Variants in ANKHD1 observed in about 807,000 individuals in gnomAD.
The protein encoded by ANKHD1 is ankyrin repeat and KH domain containing 1, also known as ankyrin repeat and KH domain-containing protein 1.
In ANKHD1, 31 loss-of-function variants were observed where a neutral mutation model predicts 230.5. That is an observed-to-expected ratio of 0.13 (90% CI 0.10 to 0.18). The LOEUF (loss-of-function observed/expected upper bound fraction) is 0.18, where lower values mean the gene tolerates loss of function less well. Among genes scored for constraint, ANKHD1 ranks in the 10% least tolerant of loss-of-function variants. The pLI is 1.00. For synonymous variants in ANKHD1, 1,074 were observed against 1,117.6 expected, an observed-to-expected ratio of 0.96 and a Z score of 0.78; for missense variants, 2,256 against 3,071.3, an observed-to-expected ratio of 0.73 and a Z score of 6.27.
At chr5:140,482,916 A>G (rs1419159570) in intron 11 of ANKHD1, among the ~76,000 whole-genome samples, 1 of 152,248 alleles carries the variant, frequency 6.6e-6, no homozygotes, top group Non-Finnish European at 1.5e-5. Context: ...TAGAAAAGCC[A>G]AATGTAAAAT....
intron 7 of ANKHD1, among the ~76,000 whole-genome samples, chr5:140,455,228 T>G (rs1775078426): frequency 6.6e-6 from 1 of 152,104 alleles, no homozygotes; most frequent in South Asian, 2.1e-4. Flanking sequence ...ATTAATAGCC[T>G]ACCAACCAAA....
chr5:140,522,181 A>G (rs1328730535), intron 24 of ANKHD1, among the ~76,000 whole-genome samples: 3 of 152,210 alleles, frequency 2.0e-5, no homozygotes, highest in East Asian at 1.9e-4. Context: ...AGATTTGTCA[A>G]TTATGGACTT....
chr5:140,496,891 TG>T lies in ANKHD1; in HGVS notation c.2618del (p.Cys873SerfsTer69), dbSNP rs1224220905. 1 of 1,614,146 alleles carries T rather than the reference TG, an allele frequency of 6.2e-7. No individual in the cohort carries two copies. Among genetic ancestry groups the T allele is most frequent in the East Asian group, 2.2e-5 (1 of 44,878 alleles). The part of the protein sequence containing the change: ...QKDTVSLHQQ[C>X]SHRGVFPEGE... ...AGACACAGTGTCTCTACACCAACAG[TG>T]CTCTCATAGAGGAGTCTTCCCAGAA... On this transcript the variant is annotated frameshift_variant, in exon 15 of 34. Transcript: ENST00000360839. LOFTEE classifies it high-confidence loss of function.
intron 10 of ANKHD1, among the ~76,000 whole-genome samples, chr5:140,478,577 T>C (rs1052139908): frequency 1.3e-5 from 2 of 152,168 alleles, no homozygotes; most frequent in African/African-American, 4.8e-5. Flanking sequence ...TTTACCCATA[T>C]ATAGAAGGTA....
At chr5:140,472,700 TACTC>T (rs143695197) in intron 10 of ANKHD1, among the ~76,000 whole-genome samples, 3,060 of 152,232 alleles carry the variant, frequency 0.02, 101 homozygotes, top group African/African-American at 0.069. Flanking sequence ...TTAAAAATAA[TACTC>T]AAATAAACAA....
intron 14 of ANKHD1, among the ~76,000 whole-genome samples, chr5:140,495,171 T>C (rs756403893): frequency 1.1e-4 from 17 of 152,162 alleles, no homozygotes; most frequent in Non-Finnish European, 2.4e-4. Context: ...TTCTTTCACT[T>C]AGTATAATGT....
At chr5:140,488,220 T>TGG (rs906166551) in intron 14 of ANKHD1, among the ~76,000 whole-genome samples, 4 of 152,190 alleles carry the variant, frequency 2.6e-5, no homozygotes, top group African/African-American at 9.6e-5. Context: ...TTGTTTTCTT[T>TGG]GGGGGGGAGT....
chr5:140,427,157 C>T (rs528737947), intron 1 of ANKHD1, among the ~76,000 whole-genome samples: 1 of 147,656 alleles, frequency 6.8e-6, no homozygotes, highest in Admixed American at 6.7e-5. Flanking sequence ...TGACCCCCCC[C>T]ACCTCCCTCC....
chr5:140,479,953 C>G (rs1751194991), intron 10 of ANKHD1, among the ~76,000 whole-genome samples: 1 of 150,132 alleles, frequency 6.7e-6, no homozygotes, highest in South Asian at 2.1e-4. Flanking sequence ...GGGGATTTTC[C>G]ATATATACAT....
rs370154374 is a variant in ANKHD1, at chr5:140,411,375, C to T, written c.306+9102C>T. ...CCATCTGATTCCCATTCTAGTTATC[C>T]TACCTTCCAGATTCTCCTAACTTTC... is the stretch of plus-strand genomic sequence containing the variant. On this transcript the variant is annotated intron_variant, in intron 1 of 33. Transcript: ENST00000360839. Among the ~76,000 whole-genome samples the T allele has an allele frequency of 4.3e-4, 65 of 152,220 alleles. 1 individual carries two copies. Among genetic ancestry groups the T allele is most frequent in the African/African-American group, 1.5e-3 (63 of 41,552 alleles).
At chr5:140,530,485 G>T (rs917452439) in intron 29 of ANKHD1, among the ~76,000 whole-genome samples, 1 of 152,182 alleles carries the variant, frequency 6.6e-6, no homozygotes, top group Non-Finnish European at 1.5e-5. Flanking sequence ...AAAATGCCAG[G>T]ATTACAGGTG....
At chr5:140,440,328 T>C in intron 4 of ANKHD1, 62 bp downstream of exon 4, 3 of 1,554,472 alleles carry the variant, frequency 1.9e-6, no homozygotes, top group Non-Finnish European at 2.6e-6. Flanking sequence ...TTATTTATTT[T>C]TGTCACTTAT....
At chr5:140,501,820 A>T (rs1752318726) in intron 15 of ANKHD1, among the ~76,000 whole-genome samples, 1 of 152,090 alleles carries the variant, frequency 6.6e-6, no homozygotes. Context: ...TAGATTTATT[A>T]TCTTCCATAT....
chr5:140,417,284 G>T (rs1771469055), intron 1 of ANKHD1, among the ~76,000 whole-genome samples: 1 of 151,698 alleles, frequency 6.6e-6, no homozygotes, highest in Non-Finnish European at 1.5e-5. Flanking sequence ...TCTCAATATG[G>T]TATTAAACTT....
chr5:140,510,083 G>A lies in ANKHD1; in HGVS notation c.4006G>A (p.Gly1336Ser), dbSNP rs1752692328. ...NTPLWLASNG[G>S]HFDVVQLLVQ... ...GCCACTTTGGCTGGCATCCAATGGAGGTCATTTTGATGTTGTGCAGTTGCT... is the reference window on the plus strand; with the variant it reads ...GCCACTTTGGCTGGCATCCAATGGAAGTCATTTTGATGTTGTGCAGTTGCT... Residue 1336 changes from glycine to serine, a missense_variant, in exon 22 of 34, where the codon GGT becomes AGT. This residue lies in a region of ANKHD1 where 195 missense variants were observed against 340.3 expected (regional missense o/e 0.57). Transcript: ENST00000360839. 1 of 1,614,164 alleles carries A rather than the reference G, an allele frequency of 6.2e-7. No individual in the cohort carries two copies. The highest frequency in any genetic ancestry group is 8.5e-7 in the Non-Finnish European group (1 of 1,180,018).
intron 24 of ANKHD1, among the ~76,000 whole-genome samples, chr5:140,516,785 G>A (rs1753032379): frequency 6.6e-6 from 1 of 151,646 alleles, no homozygotes; most frequent in Admixed American, 6.6e-5. Context: ...AGCTCCTGAA[G>A]GAAGCACTAA....
chr5:140,495,218 G>A (rs1475630761), intron 14 of ANKHD1, among the ~76,000 whole-genome samples: 1 of 148,846 alleles, frequency 6.7e-6, no homozygotes, highest in East Asian at 2.0e-4. Context: ...TGAATCAGTA[G>A]TTTGTTCCTT....
At chr5:140,406,912 G>A (rs930468999) in intron 1 of ANKHD1, among the ~76,000 whole-genome samples, 8 of 152,012 alleles carry the variant, frequency 5.3e-5, no homozygotes, top group African/African-American at 1.4e-4. Flanking sequence ...CTTAGCTATC[G>A]AAGCCCTTGA....
At chr5:140,537,217 T>C (rs1306090882) in intron 30 of ANKHD1, 172 bp from the exon 31 acceptor site, 27 of 1,211,080 alleles carry the variant, frequency 2.2e-5, no homozygotes, top group Non-Finnish European at 3.0e-5. Flanking sequence ...TGAATGTTCT[T>C]TTAAAATGAA....
Sources: gnomAD v4.1 joint callset for allele counts (sites outside exome capture counted in the v4.1 genomes callset) on GRCh38, gnomAD v4.1.1 for gene constraint, gnomAD v4.1.1 regional missense constraint, MANE v1.5 for transcripts, NCBI Gene and HGNC (gene_info 2026-07-23, HGNC 2026-07-21) for gene names.